The following ATP11C variants were observed in gnomAD, a reference collection of about 807,000 sequenced individuals.
ATP11C encodes ATPase phospholipid transporting 11C (ATP11C blood group), also known as phospholipid-transporting ATPase IG.
A neutral mutation model predicts 97.4 loss-of-function variants in ATP11C; 36 were observed. The observed-to-expected ratio is 0.37, with a 90% CI of 0.28 to 0.49. ATP11C has a LOEUF of 0.49. Among genes scored for constraint, ATP11C ranks in the 20% least tolerant of loss-of-function variants. The probability of loss-of-function intolerance (pLI) is 0.98; values close to 1 mark genes in which losing one functional copy is unlikely to be tolerated. For missense variants in ATP11C, 730 were observed against 824.6 expected (o/e 0.89, Z 1.40); for synonymous variants, 275 against 290.9 (o/e 0.95, Z 0.56).
At chrX:139,906,599 T>C (rs1272208640) in intron 1 of ATP11C, among the ~76,000 whole-genome samples, 1 of 109,151 alleles carries the variant, frequency 9.2e-6, no homozygotes, top group East Asian at 2.9e-4. Context: ...CTGGCCAAGA[T>C]GGTAAAACCC....
At position 139,763,509 on chromosome X, in the gene ATP11C, T is replaced by A. The variant is rs868240641; in HGVS notation, c.2392-91A>T. 44 of 608,665 alleles carry A rather than the reference T, an allele frequency of 7.2e-5. No individual in the cohort carries two copies. The Middle Eastern group carries it at 1.7e-3, about 24-fold the overall frequency. The allele number at this position is 608,665 out of a possible 1,213,427, so 50.2% of individuals were successfully genotyped here. ...GGGGTTTATGCCTCATTCACACTTG[T>A]AAATAGCAGCCTTGCAAACAGAAAG... is the stretch of plus-strand genomic sequence containing the variant. On this transcript the variant is annotated intron_variant, in intron 20 of 29. Coordinates refer to ENST00000682941, the MANE Select transcript of ATP11C (RefSeq NM_001353812.2).
intron 1 of ATP11C, among the ~76,000 whole-genome samples, chrX:139,881,599 C>A (rs1458232377): frequency 9.0e-6 from 1 of 111,668 alleles, no homozygotes; most frequent in African/African-American, 3.3e-5. Context: ...TCATACATTA[C>A]AAACTGGCTT....
At chrX:139,847,002 C>A (rs979225872) in intron 1 of ATP11C, among the ~76,000 whole-genome samples, 1 of 110,452 alleles carries the variant, frequency 9.1e-6, no homozygotes, top group Non-Finnish European at 1.9e-5. Context: ...AATTGCCTAT[C>A]CTGATCTACT....
chrX:139,793,447 T>A (rs1446249451), intron 12 of ATP11C, among the ~76,000 whole-genome samples: 1 of 111,393 alleles, frequency 9.0e-6, no homozygotes, highest in Non-Finnish European at 1.9e-5. Context: ...AAAAAGATTT[T>A]CTTTTCCTAT....
chrX:139,910,128 C>A (rs749175398), intron 1 of ATP11C: 1 of 112,075 alleles, frequency 8.9e-6, no homozygotes, highest in African/African-American at 3.2e-5. Flanking sequence ...CACATCTGTA[C>A]TATTCTTGAG....
intron 20 of ATP11C, 23 bp downstream of exon 20, chrX:139,768,237 C>A (rs774441658): frequency 9.7e-7 from 1 of 1,027,332 alleles, no homozygotes; most frequent in African/African-American, 1.9e-5. Flanking sequence ...CAGAATGGAA[C>A]GTTAACTAAT....
rs1358623647 is a variant in ATP11C at position 139,744,172 on chromosome X, T to C, written c.2965-548A>G. On this transcript the variant is annotated intron_variant, in intron 25 of 29. Transcript: ENST00000682941. ...AAATGATGGCAATGAATGGCACATA[T>C]GCTTACCAAATGCTGTCAAGATCTG... Among the ~76,000 whole-genome samples the C allele has an allele frequency of 5.4e-5, 6 of 110,590 alleles. No individual in the cohort carries two copies. In the Admixed American group the frequency reaches 5.8e-4, roughly 11 times the overall value.
intron 1 of ATP11C, among the ~76,000 whole-genome samples, chrX:139,854,929 C>T (rs931583898): frequency 2.4e-4 from 27 of 111,759 alleles, no homozygotes; most frequent in African/African-American, 7.1e-4. Context: ...AAAATAAAAA[C>T]ACAAAGGGTT....
chrX:139,918,290 C>T (rs1017166801), intron 1 of ATP11C, among the ~76,000 whole-genome samples: 4 of 111,257 alleles, frequency 3.6e-5, no homozygotes, highest in Admixed American at 9.6e-5. Context: ...TATATATATA[C>T]GCAATGAAAC....
chrX:139,858,328 C>T (rs2084126324), intron 1 of ATP11C, among the ~76,000 whole-genome samples: 2 of 112,211 alleles, frequency 1.8e-5, no homozygotes, highest in Non-Finnish European at 3.8e-5. Context: ...AACACTACAC[C>T]TGTCTCACCT....
intron 1 of ATP11C, among the ~76,000 whole-genome samples, chrX:139,869,684 C>T (rs969778620): frequency 3.9e-5 from 4 of 103,463 alleles, no homozygotes; most frequent in African/African-American, 1.4e-4. Context: ...ATCCCAGCTA[C>T]TGGGGAGGCT....
In ATP11C at chrX:139,799,110, G is replaced by C. The variant is rs113290262; in HGVS notation, c.711-367C>G. On this transcript the variant is annotated intron_variant, in intron 8 of 29. Transcript: ENST00000682941. ...AGACAGGGAATGCAAACGTCAAGGTGGGAAAAATATACTGACATATTTGGA... is the reference window on the plus strand; with the variant it reads ...AGACAGGGAATGCAAACGTCAAGGTCGGAAAAATATACTGACATATTTGGA... Among the ~76,000 whole-genome samples the C allele has an allele frequency of 3.2e-3, 361 of 111,601 alleles. 2 individuals carry two copies. Among genetic ancestry groups the C allele is most frequent in the African/African-American group, 0.01 (308 of 30,738 alleles).
At chrX:139,866,881 G>A (rs778198976) in intron 1 of ATP11C, among the ~76,000 whole-genome samples, 2 of 110,808 alleles carry the variant, frequency 1.8e-5, no homozygotes, top group South Asian at 3.9e-4. Flanking sequence ...TCAGGAATTC[G>A]AGACCAGCCT....
intron 24 of ATP11C, among the ~76,000 whole-genome samples, chrX:139,748,011 A>T (rs2081729250): frequency 2.7e-5 from 3 of 111,752 alleles, no homozygotes; most frequent in Admixed American, 9.5e-5. Flanking sequence ...AGTCACTAAA[A>T]CCTTATGGAA....
At chrX:139,820,951 T>TTTACCAA (rs1440092583) in intron 2 of ATP11C, among the ~76,000 whole-genome samples, 1 of 111,286 alleles carries the variant, frequency 9.0e-6, no homozygotes, top group Non-Finnish European at 1.9e-5. Context: ...GCATGAAACT[T>TTTACCAA]TTACCAATTA....
chrX:139,839,409 C>T (rs781632047), intron 1 of ATP11C, among the ~76,000 whole-genome samples: 1 of 112,020 alleles, frequency 8.9e-6, no homozygotes, highest in African/African-American at 3.3e-5. Context: ...AAAGTAACTC[C>T]CTTGCCTAAT....
intron 19 of ATP11C, 144 bp from the exon 20 acceptor site, chrX:139,768,578 C>T: frequency 3.0e-6 from 1 of 329,463 alleles, no homozygotes; most frequent in East Asian, 4.6e-5. Flanking sequence ...TCTAAAGAAG[C>T]AACTGCCTCT....
At chrX:139,898,169 C>T (rs1010405511) in intron 1 of ATP11C, among the ~76,000 whole-genome samples, 1 of 111,199 alleles carries the variant, frequency 9.0e-6, no homozygotes, top group Non-Finnish European at 1.9e-5. Context: ...TGGTTTGAAG[C>T]AGGCTTGAAT....
intron 1 of ATP11C, among the ~76,000 whole-genome samples, chrX:139,855,295 T>A (rs2084070822): frequency 8.9e-6 from 1 of 112,199 alleles, no homozygotes; most frequent in Non-Finnish European, 1.9e-5. Context: ...TTAGAAATTA[T>A]ATACTTGGTT....
Sources: gnomAD v4.1 joint callset for allele counts (sites outside exome capture counted in the v4.1 genomes callset) on GRCh38, gnomAD v4.1.1 for gene constraint, MANE v1.5 for transcripts, NCBI Gene and HGNC (gene_info 2026-07-23, HGNC 2026-07-21) for gene names.